Variants in BSCL2 observed in about 807,000 individuals in gnomAD.
The protein encoded by BSCL2 is BSCL2 lipid droplet biogenesis associated, seipin.
A neutral mutation model predicts 57.4 loss-of-function variants in BSCL2; 41 were observed. That is an observed-to-expected ratio of 0.71 (90% CI 0.56 to 0.93). BSCL2 has a LOEUF of 0.93. Ranked by LOEUF, BSCL2 falls within the 40% of genes least tolerant of loss-of-function variation. BSCL2 has a pLI of 0.00. For missense variants in BSCL2, 539 were observed against 586.7 expected, an observed-to-expected ratio of 0.92 and a Z score of 0.84; for synonymous variants, 237 against 227.3, an observed-to-expected ratio of 1.04 and a Z score of -0.38.
upstream of BSCL2, chr11:62,707,782 T>C: frequency 3.8e-6 from 1 of 265,922 alleles, no homozygotes; most frequent in South Asian, 4.5e-5. Flanking sequence ...CCTCCTTTCG[T>C]ATAGTCACTG....
chr11:62,703,165 G>A (rs1221653106), intron 2 of BSCL2, among the ~76,000 whole-genome samples: 6 of 146,094 alleles, frequency 4.1e-5, no homozygotes, highest in Admixed American at 6.7e-5. Context: ...AAAAAAAAAA[G>A]GAAATTCCAG....
intron 1 of BSCL2, chr11:62,706,610 C>T: frequency 2.1e-6 from 1 of 470,962 alleles, no homozygotes; most frequent in Non-Finnish European, 4.4e-6. Flanking sequence ...CCTCCGTGCA[C>T]ACCTTCACCA....
intron 3 of BSCL2, among the ~76,000 whole-genome samples, chr11:62,699,627 G>A (rs1945579751): frequency 6.6e-6 from 1 of 151,400 alleles, no homozygotes; most frequent in African/African-American, 2.4e-5. Flanking sequence ...GACTGCCTGA[G>A]CCCAGGAGTT....
chr11:62,698,846 A>G (rs1945553171), intron 3 of BSCL2, among the ~76,000 whole-genome samples: 1 of 152,140 alleles, frequency 6.6e-6, no homozygotes, highest in Non-Finnish European at 1.5e-5. Context: ...ACAAAACTGT[A>G]TGCACCATCC....
Position 62,690,632 on chromosome 11 carries a change from A to T in BSCL2, c.1214T>A (p.Leu405Gln), listed in dbSNP as rs1190940122. ...DQQPLSGEEE[L>Q]EPEASDGSGS... is the part of the protein sequence containing the mutation. ...CTCACCATCACTGGCCTCAGGCTCT[A>T]GCTCCTCTTCTCCGCTCAGGGGCTG... The change falls in exon 10 of 11, where the codon CTA becomes CAA. Residue 405 changes from leucine to glutamine, a missense_variant. This residue lies in a region of BSCL2 where 248 missense variants were observed against 239.9 expected (regional missense o/e 1.03). Transcript: ENST00000360796. 6.2e-7 allele frequency: 1 copy of T among 1,613,854 alleles called. No individual in the cohort carries two copies. Among genetic ancestry groups the T allele is most frequent in the African/African-American group, 1.3e-5 (1 of 74,936 alleles).
intron 6 of BSCL2, among the ~76,000 whole-genome samples, chr11:62,691,929 G>GT (rs1945321951): frequency 6.6e-6 from 1 of 152,080 alleles, no homozygotes; most frequent in South Asian, 2.1e-4. Flanking sequence ...GCAGGCGCCT[G>GT]TAGTCCCAGC....
In BSCL2 at chr11:62,692,649, T is replaced by G. The variant is rs528070411; in HGVS notation, c.765+14A>C. 6.2e-7 allele frequency: 1 copy of G among 1,613,962 alleles called. No individual in the cohort carries two copies. The highest frequency in any genetic ancestry group is 1.1e-5 in the South Asian group (1 of 91,080). On this transcript the variant is annotated intron_variant, in intron 5 of 10. Transcript: ENST00000360796. ...GGCTATCTCCTAGTCATAAAGCTCG[T>G]TCACCTCACTCACCGAGTTCTCTCT... is the stretch of plus-strand genomic sequence containing the variant.
chr11:62,702,689 G>C, intron 2 of BSCL2, 140 bp from the exon 3 acceptor site: 1 of 692,156 alleles, frequency 1.4e-6, no homozygotes. Context: ...CAAAGATGGA[G>C]AACAAATGTG....
chr11:62,693,875 C>A (rs1221431206), intron 4 of BSCL2, among the ~76,000 whole-genome samples: 1 of 151,748 alleles, frequency 6.6e-6, no homozygotes, highest in Non-Finnish European at 1.5e-5. Flanking sequence ...AATGCAGTGG[C>A]GCGATCTTGG....
intron 3 of BSCL2, 44 bp from the exon 4 acceptor site, chr11:62,694,755 G>T (rs1231585852): frequency 6.3e-7 from 1 of 1,598,098 alleles, no homozygotes; most frequent in East Asian, 2.2e-5. Context: ...TTTTTTTGTT[G>T]AAAATGTACT....
At chr11:62,702,430 A>G (rs780831457) in intron 3 of BSCL2, 38 bp downstream of exon 3, 1 of 1,556,810 alleles carries the variant, frequency 6.4e-7, no homozygotes, top group East Asian at 2.3e-5. Flanking sequence ...TGAGTCATCA[A>G]AGCTCTAATG....
At chr11:62,708,652 CAA>C (rs2134753232), upstream of BSCL2, 4 of 1,612,510 alleles carry the variant, frequency 2.5e-6, no homozygotes, top group East Asian at 8.9e-5. Flanking sequence ...TCCTGGCTAA[CAA>C]TACCCTTCCT....
chr11:62,708,890 G>T, upstream of BSCL2: 1 of 1,045,300 alleles, frequency 9.6e-7, no homozygotes, highest in East Asian at 2.4e-5. Flanking sequence ...AGCCCCTTAG[G>T]CTCCTTGCAT....
intron 3 of BSCL2, among the ~76,000 whole-genome samples, chr11:62,698,662 G>T (rs902960694): frequency 2.0e-5 from 3 of 152,184 alleles, no homozygotes; most frequent in Non-Finnish European, 4.4e-5. Flanking sequence ...ATTTAAAAAT[G>T]TTCATTGTCA....
In BSCL2 at chr11:62,705,523, G is replaced by C; in HGVS notation, c.182C>G (p.Ala61Gly). 2 of 1,613,328 alleles carry C rather than the reference G, an allele frequency of 1.2e-6. No homozygotes were observed. Among genetic ancestry groups the C allele is most frequent in the Non-Finnish European group, 1.7e-6 (2 of 1,179,368 alleles). Residue 61 changes from alanine to glycine, a missense_variant, in exon 2 of 11, where the codon GCT becomes GGT. Ala to Gly is a moderately conservative substitution (Grantham distance 60). Transcript: ENST00000360796. ...AGGGTCGTTGACCATGGCCGGGAGA[G>C]CAGGGTGTCTGGCCCCAGGTTCAGG... ...ARPEPGARHPALPAMVNDPPV... is the reference protein window; with the variant it reads ...ARPEPGARHPGLPAMVNDPPV...
chr11:62,698,605 T>C (rs912467310), intron 3 of BSCL2, among the ~76,000 whole-genome samples: 25 of 152,260 alleles, frequency 1.6e-4, no homozygotes, highest in African/African-American at 6.0e-4. Flanking sequence ...CATCTACTTA[T>C]AGCAAGCCGT....
At chr11:62,694,370 A>G (rs1283862938) in intron 4 of BSCL2, among the ~76,000 whole-genome samples, 198 bp downstream of exon 4, 3 of 151,310 alleles carry the variant, frequency 2.0e-5, no homozygotes, top group African/African-American at 7.3e-5. Flanking sequence ...TGCCCAGCTA[A>G]TTTTTAAACT....
rs2083556802 is a variant in BSCL2 at position 62,707,253 on chromosome 11, C to T, written c.-58G>A. 7.0e-7 allele frequency: 1 copy of T among 1,430,568 alleles called. No homozygotes were observed. Among genetic ancestry groups the T allele is most frequent in the Non-Finnish European group, 9.6e-7 (1 of 1,036,628 alleles). 88.6% of individuals were successfully genotyped at this position (1,430,568 alleles called of 1,614,324 possible). ...TCCACTGAGTCACTTGTGGCTAAAA[C>T]GTGAAGTGGCGATCCAGACGCTGAT... On this transcript the variant is annotated 5_prime_UTR_variant, in exon 1 of 11. Transcript: ENST00000360796.
chr11:62,695,572 G>A (rs1035271641), intron 3 of BSCL2, among the ~76,000 whole-genome samples: 2 of 151,632 alleles, frequency 1.3e-5, no homozygotes, highest in Non-Finnish European at 2.9e-5. Flanking sequence ...TTAGATGGAC[G>A]TGGTGGCAGG....
Sources: allele counts gnomAD v4.1 joint callset (sites outside exome capture counted in the v4.1 genomes callset), GRCh38; gene constraint gnomAD v4.1.1; regional missense constraint gnomAD v4.1.1; transcripts MANE v1.5; gene names NCBI Gene and HGNC (gene_info 2026-07-23, HGNC 2026-07-21).